SUMF1: variants seen among roughly 807,000 people sequenced by gnomAD.
SUMF1 encodes sulfatase modifying factor 1.
A neutral mutation model predicts 47.6 loss-of-function variants in SUMF1; 48 were observed. That is an observed-to-expected ratio of 1.01 (90% CI 0.80 to 1.28). The LOEUF is 1.28. Among genes scored for constraint, SUMF1 ranks in the 50% most tolerant of loss-of-function variants. The pLI is 0.00. For synonymous variants in SUMF1, 230 were observed against 192.1 expected (o/e 1.20, Z -1.63); for missense variants, 571 against 485.4 (o/e 1.18, Z -1.66).
intron 8 of SUMF1, among the ~76,000 whole-genome samples, chr3:4,348,085 G>C (rs368319391): frequency 1.7e-4 from 26 of 152,330 alleles, no homozygotes; most frequent in African/African-American, 6.0e-4. Flanking sequence ...TCAATACCAT[G>C]AAAATGGCCA....
intron 8 of SUMF1, among the ~76,000 whole-genome samples, chr3:4,166,038 C>T (rs1434447112): frequency 6.6e-6 from 1 of 152,046 alleles, no homozygotes; most frequent in African/African-American, 2.4e-5. Context: ...TGCTAGTTTT[C>T]CTCCTAGACC....
chr3:4,350,380 T>C (rs1699474308), intron 8 of SUMF1, among the ~76,000 whole-genome samples: 1 of 151,510 alleles, frequency 6.6e-6, no homozygotes, highest in African/African-American at 2.4e-5. Flanking sequence ...TAATTGTGTG[T>C]GTATAATTGT....
At chr3:4,458,465 T>C (rs915253062) in intron 1 of SUMF1, among the ~76,000 whole-genome samples, 4 of 152,154 alleles carry the variant, frequency 2.6e-5, no homozygotes, top group African/African-American at 9.7e-5. Context: ...ATAGCTAAGA[T>C]ACAGAAGCAA....
At chr3:4,295,001 C>A (rs367763491) in intron 8 of SUMF1, among the ~76,000 whole-genome samples, 1 of 152,190 alleles carries the variant, frequency 6.6e-6, no homozygotes, top group African/African-American at 2.4e-5. Context: ...AAGAAAAGAG[C>A]TTTTTCCTCT....
intron 3 of SUMF1, among the ~76,000 whole-genome samples, chr3:4,447,380 C>G (rs1225105528): frequency 6.6e-6 from 1 of 152,110 alleles, no homozygotes; most frequent in Non-Finnish European, 1.5e-5. Flanking sequence ...TATGCTAGCA[C>G]TCAAACTTGC....
intron 7 of SUMF1, among the ~76,000 whole-genome samples, chr3:4,400,117 C>A (rs112756963): frequency 2.0e-4 from 30 of 152,196 alleles, no homozygotes; most frequent in African/African-American, 7.0e-4. Flanking sequence ...GCAACCGACC[C>A]AAACTGGGGG....
At chr3:4,437,355 T>C (rs1355005008) in intron 3 of SUMF1, among the ~76,000 whole-genome samples, 1 of 152,104 alleles carries the variant, frequency 6.6e-6, no homozygotes, top group Non-Finnish European at 1.5e-5. Context: ...GTATTAAAAT[T>C]GATTAACTAC....
intron 8 of SUMF1, among the ~76,000 whole-genome samples, chr3:4,250,317 A>C (rs1696768687): frequency 2.8e-5 from 4 of 145,132 alleles, no homozygotes; most frequent in Admixed American, 1.4e-4. Context: ...GGAGGGAGAG[A>C]AGAAGGGAGG....
intron 8 of SUMF1, among the ~76,000 whole-genome samples, chr3:4,305,426 A>C (rs933222544): frequency 2.6e-5 from 4 of 152,190 alleles, no homozygotes; most frequent in Non-Finnish European, 5.9e-5. Flanking sequence ...GGAGACTCCC[A>C]GCTGACTTCA....
intron 7 of SUMF1, among the ~76,000 whole-genome samples, chr3:4,378,123 C>CA (rs1700387602): frequency 6.6e-6 from 1 of 152,122 alleles, no homozygotes. Flanking sequence ...ATTATTAAGT[C>CA]AAAAATGCAT....
At chr3:4,286,545 T>C (rs1697636743) in intron 8 of SUMF1, among the ~76,000 whole-genome samples, 1 of 152,146 alleles carries the variant, frequency 6.6e-6, no homozygotes, top group Admixed American at 6.5e-5. Context: ...AAAATGGTGC[T>C]GAAGGTTTTA....
intron 8 of SUMF1, among the ~76,000 whole-genome samples, chr3:4,339,532 G>T (rs1699225670): frequency 6.6e-6 from 1 of 151,890 alleles, no homozygotes; most frequent in Admixed American, 6.6e-5. Flanking sequence ...CTGCGGACAG[G>T]GTCTTTAGAT....
At chr3:4,451,961 G>T (rs1349054837) in intron 2 of SUMF1, among the ~76,000 whole-genome samples, 1 of 152,116 alleles carries the variant, frequency 6.6e-6, no homozygotes, top group Non-Finnish European at 1.5e-5. Context: ...GAGATTACAG[G>T]CGTGAGCCAC....
chr3:4,376,460 C>T, intron 7 of SUMF1, 71 bp from the exon 8 acceptor site: 1 of 1,486,890 alleles, frequency 6.7e-7, no homozygotes, highest in Non-Finnish European at 9.4e-7. Context: ...GGAGAGAATC[C>T]ACTTTGATCC....
At chr3:4,340,070 C>A (rs1575111061) in intron 8 of SUMF1, among the ~76,000 whole-genome samples, 1 of 151,436 alleles carries the variant, frequency 6.6e-6, no homozygotes, top group Admixed American at 6.6e-5. Flanking sequence ...AGAGTGAGAC[C>A]TTGTCTCAAA....
At chr3:4,426,787 C>A (rs1415765176) in intron 3 of SUMF1, among the ~76,000 whole-genome samples, 2 of 152,180 alleles carry the variant, frequency 1.3e-5, no homozygotes, top group Admixed American at 6.5e-5. Flanking sequence ...CTCTGCTCAA[C>A]TGAGACAATT....
intron 8 of SUMF1, among the ~76,000 whole-genome samples, chr3:4,261,385 A>G (rs564283913): frequency 6.6e-6 from 1 of 152,330 alleles, no homozygotes; most frequent in Non-Finnish European, 1.5e-5. Flanking sequence ...CCTCCAATAT[A>G]TGAAATCGGT....
At chr3:4,065,241 A>G (rs938930276) in intron 9 of SUMF1, among the ~76,000 whole-genome samples, 6 of 152,034 alleles carry the variant, frequency 3.9e-5, no homozygotes, top group Admixed American at 2.0e-4. Flanking sequence ...TTTTTCTGCA[A>G]TGAGACAGAG....
chr3:4,204,542 G>A (rs549684644), intron 8 of SUMF1, among the ~76,000 whole-genome samples: 1 of 152,010 alleles, frequency 6.6e-6, no homozygotes, highest in African/African-American at 2.4e-5. Flanking sequence ...GTAAGTTATT[G>A]TTATTATCTC....
Sources: gnomAD v4.1 joint callset for allele counts (sites outside exome capture counted in the v4.1 genomes callset) on GRCh38, gnomAD v4.1.1 for gene constraint, MANE v1.5 for transcripts, NCBI Gene and HGNC (gene_info 2026-07-23, HGNC 2026-07-21) for gene names.